USH2A: variants seen among roughly 807,000 people sequenced by gnomAD.
The protein encoded by USH2A is usherin, also known as Usher syndrome 2A (autosomal recessive, mild).
Under a neutral mutation model 538.9 loss-of-function variants are expected in USH2A, and 443 were observed. That is an observed-to-expected ratio of 0.82 (90% CI 0.76 to 0.89). The LOEUF (loss-of-function observed/expected upper bound fraction) is 0.89. Ranked by LOEUF, USH2A falls within the 40% of genes least tolerant of loss-of-function variation. The pLI is 0.00. For missense variants in USH2A, 6,633 were observed against 6,324.8 expected, an observed-to-expected ratio of 1.05 and a Z score of -1.65; for synonymous variants, 2,413 against 2,273.5, an observed-to-expected ratio of 1.06 and a Z score of -1.75.
chr1:216,037,827 C>T (rs1228097376), intron 32 of USH2A, among the ~76,000 whole-genome samples: 1 of 150,642 alleles, frequency 6.6e-6, no homozygotes, highest in Non-Finnish European at 1.5e-5. Flanking sequence ...TTTCCTAATC[C>T]TCTCCCTCCT....
At chr1:215,698,508 T>C (rs1253167783) in intron 61 of USH2A, among the ~76,000 whole-genome samples, 1 of 152,218 alleles carries the variant, frequency 6.6e-6, no homozygotes, top group Non-Finnish European at 1.5e-5. Context: ...TTTTTAATTA[T>C]CACCATTCCA....
At chr1:215,732,458 A>G (rs967183419) in intron 60 of USH2A, among the ~76,000 whole-genome samples, 2 of 148,130 alleles carry the variant, frequency 1.4e-5, no homozygotes, top group Admixed American at 6.8e-5. Flanking sequence ...ATATTCCATT[A>G]TATTTCACGG....
At chr1:215,926,336 C>T (rs1272602960) in intron 38 of USH2A, among the ~76,000 whole-genome samples, 2 of 151,888 alleles carry the variant, frequency 1.3e-5, no homozygotes, top group East Asian at 3.9e-4. Context: ...GAAGAGAAAG[C>T]TCAGTTCTTT....
intron 32 of USH2A, among the ~76,000 whole-genome samples, chr1:216,001,516 A>G (rs756114231): frequency 1.3e-5 from 2 of 152,202 alleles, no homozygotes; most frequent in Non-Finnish European, 2.9e-5. Flanking sequence ...TGAACACTTC[A>G]TTACACTTGG....
intron 22 of USH2A, among the ~76,000 whole-genome samples, chr1:216,095,013 G>A (rs951426016): frequency 2.0e-5 from 3 of 151,870 alleles, no homozygotes; most frequent in African/African-American, 7.3e-5. Flanking sequence ...TGTACAAACT[G>A]ATGTATAGAG....
At chr1:215,932,208 A>C (rs866663614) in intron 38 of USH2A, among the ~76,000 whole-genome samples, 20 of 152,158 alleles carry the variant, frequency 1.3e-4, no homozygotes, top group African/African-American at 4.8e-4. Context: ...TAATGATAAC[A>C]ATCCAACTAT....
At chr1:215,772,008 A>G (rs186540077) in intron 55 of USH2A, among the ~76,000 whole-genome samples, 3 of 152,348 alleles carry the variant, frequency 2.0e-5, no homozygotes, top group African/African-American at 4.8e-5. Flanking sequence ...GAAAGCATCA[A>G]CTACCATCAG....
chr1:215,944,393 A>T (rs17643159), intron 37 of USH2A, among the ~76,000 whole-genome samples: 1,652 of 152,270 alleles, frequency 0.011, 11 homozygotes, highest in Non-Finnish European at 0.017. Context: ...GAATAAAGGG[A>T]GCAATTTCCA....
At chr1:215,910,424 T>A (rs1331318048) in intron 38 of USH2A, among the ~76,000 whole-genome samples, 5 of 152,008 alleles carry the variant, frequency 3.3e-5, no homozygotes, top group African/African-American at 1.2e-4. Context: ...CCAAAATCTC[T>A]ATGTGCCCCA....
chr1:216,035,804 C>T (rs368285730), intron 32 of USH2A, among the ~76,000 whole-genome samples: 2 of 152,074 alleles, frequency 1.3e-5, no homozygotes, highest in Non-Finnish European at 2.9e-5. Flanking sequence ...TTCATTTAAA[C>T]TCAATTCAGT....
chr1:216,289,435 T>C (rs916765790), intron 10 of USH2A, 25 bp from the exon 11 acceptor site: 3 of 1,613,568 alleles, frequency 1.9e-6, no homozygotes, highest in Non-Finnish European at 2.5e-6. Flanking sequence ...GGTTATGCAT[T>C]ATGACTTCTA....
intron 61 of USH2A, among the ~76,000 whole-genome samples, chr1:215,683,259 A>G (rs1489546651): frequency 3.1e-5 from 3 of 96,360 alleles, no homozygotes; most frequent in Non-Finnish European, 7.0e-5. Context: ...ACACACGCAC[A>G]CACACACAAA....
intron 20 of USH2A, among the ~76,000 whole-genome samples, chr1:216,189,571 C>T (rs2102654284): frequency 6.6e-6 from 1 of 152,052 alleles, no homozygotes; most frequent in Admixed American, 6.6e-5. Context: ...ATGAAGCAAG[C>T]ACAAATTATA....
intron 37 of USH2A, among the ~76,000 whole-genome samples, chr1:215,939,079 A>T (rs1250738200): frequency 6.6e-6 from 1 of 152,214 alleles, no homozygotes; most frequent in African/African-American, 2.4e-5. Flanking sequence ...AAGAAAATTT[A>T]AAATATGCAT....
At chr1:216,291,177 G>T (rs1417625138) in intron 10 of USH2A, among the ~76,000 whole-genome samples, 1 of 151,886 alleles carries the variant, frequency 6.6e-6, no homozygotes, top group Admixed American at 6.6e-5. Context: ...CTTTATCATG[G>T]CTCCAGAGTC....
intron 3 of USH2A, among the ~76,000 whole-genome samples, chr1:216,412,474 C>T (rs1384366549): frequency 6.6e-6 from 1 of 151,962 alleles, no homozygotes; most frequent in African/African-American, 2.4e-5. Flanking sequence ...TCTATCGCAA[C>T]TGCCATAAAA....
At chr1:216,367,124 T>G (rs1309258578) in intron 3 of USH2A, among the ~76,000 whole-genome samples, 1 of 152,196 alleles carries the variant, frequency 6.6e-6, no homozygotes, top group Non-Finnish European at 1.5e-5. Context: ...TTTATCACAT[T>G]AGCACAGCCA....
rs1462931938 is a variant in USH2A at position 216,322,472 on chromosome 1, T to C, written c.1551-496A>G. Reference sequence around the variant, plus strand: ...GAAAAAAAAAATCAGCTGGGCATGGTGGCACATGCCTGTAGTCCCAGTTAC... The same window carrying C: ...GAAAAAAAAAATCAGCTGGGCATGGCGGCACATGCCTGTAGTCCCAGTTAC... On this transcript the variant is annotated intron_variant, in intron 8 of 71. Coordinates refer to ENST00000307340, the MANE Select transcript of USH2A (RefSeq NM_206933.4). Among the ~76,000 whole-genome samples the C allele has an allele frequency of 2.0e-5, 3 of 150,892 alleles. No homozygotes were observed. The East Asian group carries it at 5.9e-4, about 30-fold the overall frequency.
chr1:215,955,677 T>A (rs1211522987), intron 37 of USH2A, among the ~76,000 whole-genome samples: 2 of 151,418 alleles, frequency 1.3e-5, no homozygotes, highest in Non-Finnish European at 2.9e-5. Context: ...AGCCATATAC[T>A]TTTTTTTTCA....
Sources: allele counts gnomAD v4.1 joint callset (sites outside exome capture counted in the v4.1 genomes callset), GRCh38; gene constraint gnomAD v4.1.1; transcripts MANE v1.5; gene names NCBI Gene and HGNC (gene_info 2026-07-23, HGNC 2026-07-21).